Variants in PARD3B observed in about 807,000 individuals in gnomAD.
PARD3B encodes the protein partitioning defective 3 homolog B.
A neutral mutation model predicts 130.2 loss-of-function variants in PARD3B; 103 were observed. That is an observed-to-expected ratio of 0.79 (90% CI 0.67 to 0.93). The LOEUF (loss-of-function observed/expected upper bound fraction) is 0.93. Ranked by LOEUF, PARD3B falls within the 40% of genes least tolerant of loss-of-function variation. The pLI, the probability that PARD3B is intolerant of heterozygous loss-of-function variation, is 0.00. For missense variants in PARD3B, 1,609 were observed against 1,499.2 expected (o/e 1.07, Z -1.21); for synonymous variants, 583 against 553.2 (o/e 1.05, Z -0.76).
rs559043108 is a variant in PARD3B at position 204,550,074 on chromosome 2, T to C, written c.120+3955T>C. ...TTGCTTAAAGTGAACATTCATTTTA[T>C]ATAGACAGTTGTCCCTTAGTATCCA... On this transcript the variant is annotated intron_variant, in intron 1 of 22. Transcript: ENST00000406610. Among the ~76,000 whole-genome samples the C allele has an allele frequency of 4.1e-4, 63 of 152,336 alleles. No individual in the cohort carries two copies. In the South Asian group the frequency reaches 0.012, roughly 30 times the overall value.
intron 1 of PARD3B, among the ~76,000 whole-genome samples, chr2:204,553,558 GTGTATA>G (rs2030631733): frequency 1.4e-5 from 2 of 140,824 alleles, no homozygotes; most frequent in Admixed American, 7.3e-5. Context: ...GTGTGTGTGT[GTGTATA>G]TATATATATG....
At chr2:205,466,605 A>G (rs950982999) in intron 20 of PARD3B, among the ~76,000 whole-genome samples, 1 of 152,230 alleles carries the variant, frequency 6.6e-6, no homozygotes, top group Non-Finnish European at 1.5e-5. Flanking sequence ...AGTGTACCCC[A>G]TTCACTTAAG....
chr2:205,012,918 A>G (rs2125312697), intron 3 of PARD3B, among the ~76,000 whole-genome samples: 1 of 152,354 alleles, frequency 6.6e-6, no homozygotes, highest in Middle Eastern at 3.4e-3. Flanking sequence ...CCCAAATGAA[A>G]GCACTTCCAA....
At chr2:205,298,691 A>T (rs976698237) in intron 16 of PARD3B, among the ~76,000 whole-genome samples, 1 of 152,216 alleles carries the variant, frequency 6.6e-6, no homozygotes, top group Non-Finnish European at 1.5e-5. Context: ...ATAACGCAAC[A>T]TCCAATTTTT....
chr2:204,780,779 T>C (rs980273070), intron 2 of PARD3B, among the ~76,000 whole-genome samples: 8 of 152,088 alleles, frequency 5.3e-5, no homozygotes, highest in Non-Finnish European at 8.8e-5. Context: ...TGAAGTATCA[T>C]TGGTGGATTC....
intron 4 of PARD3B, among the ~76,000 whole-genome samples, chr2:205,094,466 G>C (rs2125547832): frequency 6.6e-6 from 1 of 152,088 alleles, no homozygotes; most frequent in African/African-American, 2.4e-5. Context: ...CTATCTAATA[G>C]TTATAAAAAA....
At position 205,321,712 on chromosome 2, in the gene PARD3B, G is replaced by A. The variant is rs546623148; in HGVS notation, c.2630+20011G>A. Among the ~76,000 whole-genome samples the A allele has an allele frequency of 6.6e-6, 1 of 152,268 alleles. No individual in the cohort carries two copies. The highest frequency in any genetic ancestry group is 2.1e-4 in the South Asian group (1 of 4,828). ...AAATCAGAAATTACAAACAAGGAAG[G>A]TGGTAATTTCAAATATGATTACAAG... On this transcript the variant is annotated intron_variant, in intron 18 of 22. Coordinates refer to ENST00000406610, the MANE Select transcript of PARD3B (RefSeq NM_001302769.2). The surrounding 1 kb of genome is among the most constrained non-coding windows in gnomAD (Gnocchi z 4.2).
intron 20 of PARD3B, among the ~76,000 whole-genome samples, chr2:205,478,065 A>G (rs1378634555): frequency 1.3e-5 from 2 of 152,240 alleles, no homozygotes; most frequent in Non-Finnish European, 2.9e-5. Flanking sequence ...CTACCAGGAC[A>G]TCAAGGTCCT....
At chr2:205,236,709 A>G in intron 15 of PARD3B, among the ~76,000 whole-genome samples, 1 of 152,218 alleles carries the variant, frequency 6.6e-6, no homozygotes, top group East Asian at 1.9e-4. Context: ...TAACATTTGA[A>G]ATTGATCAAT....
intron 2 of PARD3B, among the ~76,000 whole-genome samples, chr2:204,876,468 A>G (rs1321503070): frequency 2.0e-5 from 3 of 152,180 alleles, no homozygotes; most frequent in East Asian, 3.9e-4. Flanking sequence ...AAGGATTTTG[A>G]TTTTATGCAA....
intron 2 of PARD3B, among the ~76,000 whole-genome samples, chr2:204,853,589 A>G (rs1459960491): frequency 6.6e-6 from 1 of 152,244 alleles, no homozygotes; most frequent in African/African-American, 2.4e-5. Flanking sequence ...TCAGCAAACT[A>G]AAGAATATGC....
At chr2:205,411,245 T>C (rs1293740487) in intron 19 of PARD3B, among the ~76,000 whole-genome samples, 2 of 152,178 alleles carry the variant, frequency 1.3e-5, no homozygotes, top group Non-Finnish European at 2.9e-5. Context: ...GATAGATAGA[T>C]AGATATAATA....
chr2:205,537,660 C>T (rs1178442279), intron 21 of PARD3B, among the ~76,000 whole-genome samples: 1 of 152,162 alleles, frequency 6.6e-6, no homozygotes, highest in African/African-American at 2.4e-5. Context: ...GAGATGGACT[C>T]ACTCTCTACC....
intron 6 of PARD3B, among the ~76,000 whole-genome samples, chr2:205,117,041 A>AT (rs2029887089): frequency 6.6e-6 from 1 of 152,190 alleles, no homozygotes; most frequent in Non-Finnish European, 1.5e-5. Context: ...GAAGACTTGA[A>AT]TGCTTGTTAA....
chr2:204,996,837 C>T (rs1297361997), intron 3 of PARD3B, among the ~76,000 whole-genome samples: 1 of 147,080 alleles, frequency 6.8e-6, no homozygotes, highest in Non-Finnish European at 1.5e-5. Context: ...GGGAGTGACC[C>T]GATTTTCCAG....
At chr2:205,435,559 GT>G (rs2047484349) in intron 19 of PARD3B, among the ~76,000 whole-genome samples, 1 of 151,538 alleles carries the variant, frequency 6.6e-6, no homozygotes, top group South Asian at 2.1e-4. Context: ...TTTATTTTGT[GT>G]ATTTCTCTCC....
At chr2:205,275,874 AT>A (rs1363896034) in intron 16 of PARD3B, among the ~76,000 whole-genome samples, 2 of 147,510 alleles carry the variant, frequency 1.4e-5, no homozygotes, top group African/African-American at 4.9e-5. Flanking sequence ...GTTCAATTAG[AT>A]GTCCTAATGA....
chr2:204,839,224 A>C (rs2044173948), intron 2 of PARD3B, among the ~76,000 whole-genome samples: 1 of 152,226 alleles, frequency 6.6e-6, no homozygotes, highest in African/African-American at 2.4e-5. Context: ...TCATGGCATC[A>C]GGAGGCACAA....
chr2:204,798,947 G>A (rs1324316005), intron 2 of PARD3B, among the ~76,000 whole-genome samples: 1 of 151,932 alleles, frequency 6.6e-6, no homozygotes, highest in Non-Finnish European at 1.5e-5. Context: ...GTAGCCCAGC[G>A]CATTCCCGCC....
Sources: gnomAD v4.1 joint callset for allele counts (sites outside exome capture counted in the v4.1 genomes callset) on GRCh38, gnomAD v4.1.1 for gene constraint, Gnocchi (gnomAD v3.1) non-coding constraint, MANE v1.5 for transcripts, NCBI Gene and HGNC (gene_info 2026-07-23, HGNC 2026-07-21) for gene names.